Variants in TSPAN7 observed in about 807,000 individuals in gnomAD.
TSPAN7 encodes the protein tetraspanin-7.
A neutral mutation model predicts 17.6 loss-of-function variants in TSPAN7; 1 was observed. That is an observed-to-expected ratio of 0.06 (90% CI 0.02 to 0.27). TSPAN7 has a LOEUF of 0.27. TSPAN7 is among the 10% of genes least tolerant of loss of function. TSPAN7 has a pLI of 1.00. For missense variants in TSPAN7, 112 were observed against 201.7 expected (o/e 0.56, Z 2.69); for synonymous variants, 78 against 79.0 (o/e 0.99, Z 0.07).
chrX:38,577,613 A>G (rs1484832552), intron 1 of TSPAN7, among the ~76,000 whole-genome samples: 51 of 91,806 alleles, frequency 5.6e-4, no homozygotes, highest in Non-Finnish European at 8.7e-4. Flanking sequence ...GAATTGAACA[A>G]TGAGAACAAT....
intron 1 of TSPAN7, among the ~76,000 whole-genome samples, chrX:38,586,547 T>C (rs1602088968): frequency 8.9e-6 from 1 of 112,470 alleles, no homozygotes; most frequent in Non-Finnish European, 1.9e-5. Flanking sequence ...ATTTTTCTTT[T>C]AATTTGACTA....
chrX:38,670,593 G>A (rs766654418), intron 2 of TSPAN7, among the ~76,000 whole-genome samples: 2 of 112,620 alleles, frequency 1.8e-5, no homozygotes, highest in Non-Finnish European at 3.7e-5. Flanking sequence ...ACTGTGTCCA[G>A]TGATGACCAC....
intron 1 of TSPAN7, chrX:38,656,255 A>C (rs2069704152): frequency 6.3e-6 from 1 of 157,649 alleles, no homozygotes; most frequent in African/African-American, 3.0e-5. Context: ...TACAATTAAT[A>C]CAGGGCAGAA....
At chrX:38,647,319 G>T (rs748308460) in intron 1 of TSPAN7, among the ~76,000 whole-genome samples, 14 of 111,814 alleles carry the variant, frequency 1.3e-4, no homozygotes, top group African/African-American at 4.2e-4. Context: ...GCTTTACCAT[G>T]TTGGCCAGGC....
At position 38,581,989 on chromosome X, in the gene TSPAN7, C is replaced by T. The variant is rs139787040; in HGVS notation, c.81+20362C>T. ...CTAGCTAGACACAGTAATCTGCACA[C>T]GGACACACAGGTAAGGCTCATTGGC... On this transcript the variant is annotated intron_variant, in intron 1 of 7. Transcript: ENST00000378482. Among the ~76,000 whole-genome samples the T allele has an allele frequency of 4.8e-3, 542 of 112,641 alleles. 3 individuals are homozygous for T. Among genetic ancestry groups the T allele is most frequent in the African/African-American group, 0.016 (511 of 31,040 alleles).
chrX:38,596,676 C>T (rs1210387528), intron 1 of TSPAN7, among the ~76,000 whole-genome samples: 1 of 111,094 alleles, frequency 9.0e-6, no homozygotes, highest in Non-Finnish European at 1.9e-5. Context: ...TCACCTCAGA[C>T]CTTCTGAACC....
rs2069888820 is a variant in TSPAN7, at chrX:38,681,183, A to T, written c.598-21A>T. The T allele has an allele frequency of 2.5e-6, 3 of 1,187,285 alleles. No homozygotes were observed. The African/African-American group carries it at 5.3e-5, about 21-fold the overall frequency. On this transcript the variant is annotated intron_variant, in intron 5 of 7. Coordinates refer to ENST00000378482, the MANE Select transcript of TSPAN7 (RefSeq NM_004615.4). ...GCCTGAGTGAAAACATGTCTCCAAGACAGTGTCTTTCTCTTTCCAGGGTTG... is the reference window on the plus strand; with the variant it reads ...GCCTGAGTGAAAACATGTCTCCAAGTCAGTGTCTTTCTCTTTCCAGGGTTG...
At chrX:38,632,798 G>A (rs2069557897) in intron 1 of TSPAN7, among the ~76,000 whole-genome samples, 1 of 112,211 alleles carries the variant, frequency 8.9e-6, no homozygotes, top group East Asian at 2.8e-4. Context: ...TTTTGCTTCA[G>A]TACTCAAGAA....
In TSPAN7 at chrX:38,636,348, G is replaced by A. The variant is rs749024794; in HGVS notation, c.82-29773G>A. Among the ~76,000 whole-genome samples the A allele has an allele frequency of 2.0e-4, 22 of 112,004 alleles. 2 individuals are homozygous for A. The South Asian group carries it at 6.3e-3, about 32-fold the overall frequency. The stretch of plus-strand genomic sequence containing the variant: ...AATAACCGTTACTCATTCTCTTCTC[G>A]TAGAGAAACATTTAAAATTGCAAGT... On this transcript the variant is annotated intron_variant, in intron 1 of 7. Transcript: ENST00000378482.
intron 1 of TSPAN7, among the ~76,000 whole-genome samples, chrX:38,650,570 C>T (rs770771979): frequency 1.4e-4 from 16 of 112,217 alleles, no homozygotes; most frequent in Non-Finnish European, 2.8e-4. Context: ...AGGACTCAAC[C>T]ATTCTGGCCC....
At chrX:38,681,105 A>G (rs958212302) in intron 5 of TSPAN7, 99 bp from the exon 6 acceptor site, 22 of 648,894 alleles carry the variant, frequency 3.4e-5, no homozygotes, top group East Asian at 1.6e-4. Context: ...TATTTGCTGA[A>G]TTAAGGTTGA....
chrX:38,668,533 A>C (rs2069798242), intron 2 of TSPAN7, among the ~76,000 whole-genome samples: 1 of 111,995 alleles, frequency 8.9e-6, no homozygotes, highest in Non-Finnish European at 1.9e-5. Flanking sequence ...TAGATTCTAC[A>C]TATGTGTAAG....
At chrX:38,673,214 G>A (rs1228399701) in intron 3 of TSPAN7, among the ~76,000 whole-genome samples, 1 of 111,423 alleles carries the variant, frequency 9.0e-6, no homozygotes, top group African/African-American at 3.3e-5. Flanking sequence ...CTCCCAATCT[G>A]GAGGCATTTT....
intron 1 of TSPAN7, among the ~76,000 whole-genome samples, chrX:38,629,074 G>A (rs371989245): frequency 3.6e-5 from 4 of 112,270 alleles, no homozygotes; most frequent in African/African-American, 1.3e-4. Flanking sequence ...AAATTATCTA[G>A]TACCCACATT....
chrX:38,601,373 G>A (rs2069346276), intron 1 of TSPAN7, among the ~76,000 whole-genome samples: 2 of 111,582 alleles, frequency 1.8e-5, no homozygotes, highest in Non-Finnish European at 3.8e-5. Flanking sequence ...GGTAAGTATA[G>A]TTGTGGGAGA....
intron 1 of TSPAN7, among the ~76,000 whole-genome samples, chrX:38,665,769 A>T (rs1436908943): frequency 8.9e-6 from 1 of 111,918 alleles, no homozygotes. Flanking sequence ...TCATGGGGTT[A>T]TACCCAGCTT....
chrX:38,679,986 T>G (rs1053751855), intron 5 of TSPAN7, among the ~76,000 whole-genome samples: 1 of 110,050 alleles, frequency 9.1e-6, no homozygotes, highest in Admixed American at 9.7e-5. Flanking sequence ...GGGTAGAGGG[T>G]GGGAGGAGGA....
At chrX:38,626,854 T>C (rs183536593) in intron 1 of TSPAN7, among the ~76,000 whole-genome samples, 73 of 111,221 alleles carry the variant, frequency 6.6e-4, no homozygotes, top group African/African-American at 2.3e-3. Flanking sequence ...GTGGCTCTAA[T>C]GGTCTTGGTT....
chrX:38,666,208 AATGCTCCCT>A lies in TSPAN7; in HGVS notation c.173_181del (p.Ala58_Tyr60del). 1 of 1,211,168 alleles carries A rather than the reference AATGCTCCCT, an allele frequency of 8.3e-7. No individual in the cohort carries two copies. The highest frequency in any genetic ancestry group is 1.8e-5 in the South Asian group (1 of 56,930). On this transcript the variant is annotated inframe_deletion, in exon 2 of 8. Coordinates refer to ENST00000378482, the MANE Select transcript of TSPAN7 (RefSeq NM_004615.4). ...CTCCCTTATTGCCGAGAACTCCACA[AATGCTCCCT>A]ATGTGCTCATCGGAACTGGCACCAC... is the stretch of plus-strand genomic sequence containing the variant.
Sources: gnomAD v4.1 joint callset for allele counts (sites outside exome capture counted in the v4.1 genomes callset) on GRCh38, gnomAD v4.1.1 for gene constraint, MANE v1.5 for transcripts, NCBI Gene and HGNC (gene_info 2026-07-23, HGNC 2026-07-21) for gene names.